FBXO31: variants seen among roughly 807,000 people sequenced by gnomAD.
FBXO31 encodes F-box protein 31.
FBXO31 carries 24 observed loss-of-function variants against 54.4 expected under a neutral mutation model. The observed-to-expected ratio is 0.44, with a 90% CI of 0.32 to 0.62. The LOEUF is 0.62. FBXO31 is among the 20% of genes least tolerant of loss of function. The pLI is 0.05. For synonymous variants in FBXO31, 388 were observed against 335.6 expected (o/e 1.16, Z -1.71); for missense variants, 665 against 787.1 (o/e 0.84, Z 1.86).
intron 1 of FBXO31, among the ~76,000 whole-genome samples, chr16:87,372,146 C>A (rs917427293): frequency 1.3e-5 from 2 of 152,060 alleles, no homozygotes; most frequent in African/African-American, 2.4e-5. Flanking sequence ...ATCATATGAA[C>A]CCAGGATGTG....
At chr16:87,350,216 C>T (rs746431902) in intron 2 of FBXO31, among the ~76,000 whole-genome samples, 50 of 152,042 alleles carry the variant, frequency 3.3e-4, no homozygotes, top group Non-Finnish European at 4.4e-4. Flanking sequence ...GCAGGGAGGG[C>T]AAGAAAGCCA....
intron 1 of FBXO31, among the ~76,000 whole-genome samples, chr16:87,370,346 G>C (rs545190204): frequency 3.4e-4 from 52 of 152,338 alleles, no homozygotes; most frequent in African/African-American, 1.2e-3. Context: ...ACTGGCACTA[G>C]GGGGACTGCA....
chr16:87,380,001 A>AG (rs921980985), intron 1 of FBXO31, among the ~76,000 whole-genome samples: 3 of 150,552 alleles, frequency 2.0e-5, no homozygotes, highest in African/African-American at 7.3e-5. Context: ...CCGCTCCAAA[A>AG]GAAAAAAAAA....
rs1024971901 is a variant in FBXO31 at position 87,329,368 on chromosome 16, G to C, written c.*1920C>G. Reference sequence around the variant, plus strand: ...CTGAGATTCCTTTAATCAGAAGCACGTGCGTCCCACAGTGTGCTCTTCAAG... The same window carrying C: ...CTGAGATTCCTTTAATCAGAAGCACCTGCGTCCCACAGTGTGCTCTTCAAG... On this transcript the variant is annotated 3_prime_UTR_variant, in exon 9 of 9. Coordinates refer to ENST00000311635, the MANE Select transcript of FBXO31 (RefSeq NM_024735.5). 1.3e-5 allele frequency: 2 copies of C among 152,410 alleles called. No individual in the cohort carries two copies. The highest frequency in any genetic ancestry group is 2.1e-4 in the South Asian group (1 of 4,834). 9.4% of individuals were successfully genotyped at this position (152,410 alleles called of 1,614,324 possible). A position where few individuals can be genotyped will look rare whatever the true frequency, so the allele number is the denominator to read the frequency against.
At chr16:87,382,900 T>A (rs1172102215) in intron 1 of FBXO31, among the ~76,000 whole-genome samples, 1 of 152,152 alleles carries the variant, frequency 6.6e-6, no homozygotes, top group African/African-American at 2.4e-5. Flanking sequence ...CCTCCCTAAG[T>A]GCTGAGATTA....
chr16:87,360,136 G>C (rs1906069706), intron 2 of FBXO31, among the ~76,000 whole-genome samples, 159 bp downstream of exon 2: 1 of 152,200 alleles, frequency 6.6e-6, no homozygotes, highest in African/African-American at 2.4e-5. Flanking sequence ...CCTAATTTTA[G>C]TGCTGTTACT....
intron 2 of FBXO31, among the ~76,000 whole-genome samples, chr16:87,354,089 C>T (rs1269136923): frequency 6.6e-6 from 1 of 152,262 alleles, no homozygotes; most frequent in African/African-American, 2.4e-5. Context: ...TACTACATTT[C>T]TAAGCAAGGC....
chr16:87,375,926 G>C (rs1035489207), intron 1 of FBXO31, among the ~76,000 whole-genome samples: 12 of 152,174 alleles, frequency 7.9e-5, no homozygotes, highest in Non-Finnish European at 1.8e-4. Context: ...CTCAGCCTGA[G>C]TCACTCCACT....
chr16:87,388,903 T>G (rs1489249436), intron 1 of FBXO31: 1 of 152,232 alleles, frequency 6.6e-6, no homozygotes, highest in Non-Finnish European at 1.5e-5. Flanking sequence ...CTACTTTACA[T>G]GGATTATTAC....
intron 1 of FBXO31, among the ~76,000 whole-genome samples, chr16:87,370,690 C>G (rs543094967): frequency 1.3e-5 from 2 of 152,262 alleles, no homozygotes; most frequent in East Asian, 3.9e-4. Context: ...TGGGACACTG[C>G]TGGGTCTCAG....
intron 1 of FBXO31, among the ~76,000 whole-genome samples, chr16:87,381,317 G>A (rs916057446): frequency 6.6e-6 from 1 of 152,100 alleles, no homozygotes; most frequent in African/African-American, 2.4e-5. Flanking sequence ...CACAAATAAG[G>A]AATTCGCAAA....
Position 87,335,274 on chromosome 16 carries a change from G to A in FBXO31, c.996+30C>T. ...CCCACTTGGGCCAGGTGCCCCCAGA[G>A]CCCCACCAACCAGGTCAGCCGCCAC... On this transcript the variant is annotated intron_variant, in intron 7 of 8. Transcript: ENST00000311635. This position sits in a 1 kb window ranked among gnomAD's most constrained non-coding sequence, Gnocchi z 5.7. 1 of 1,610,640 alleles carries A rather than the reference G, an allele frequency of 6.2e-7. No individual in the cohort carries two copies.
intron 8 of FBXO31, among the ~76,000 whole-genome samples, chr16:87,331,773 G>T (rs1355025295): frequency 6.6e-6 from 1 of 152,230 alleles, no homozygotes; most frequent in Admixed American, 6.5e-5. Flanking sequence ...CTGCTCGGGG[G>T]ATGGGCGCTG....
rs2150676633 is a variant in FBXO31, at chr16:87,346,672, C to T, written c.489+502G>A. ...AGCACTTTCTAGCAGGGGCCAGCCACCTGCCCAGAGCTCAACAAAGTCAGA... is the reference window on the plus strand; with the variant it reads ...AGCACTTTCTAGCAGGGGCCAGCCATCTGCCCAGAGCTCAACAAAGTCAGA... On this transcript the variant is annotated intron_variant, in intron 3 of 8. Transcript: ENST00000311635. The surrounding 1 kb of genome is among the most constrained non-coding windows in gnomAD (Gnocchi z 4.2). 6.6e-6 allele frequency among the ~76,000 whole-genome samples: 1 copy of T among 152,358 alleles called. No homozygotes were observed. The highest frequency in any genetic ancestry group is 2.1e-4 in the South Asian group (1 of 4,834).
intron 1 of FBXO31, among the ~76,000 whole-genome samples, chr16:87,382,508 T>C (rs978742094): frequency 1.3e-5 from 2 of 152,216 alleles, no homozygotes; most frequent in Non-Finnish European, 2.9e-5. Flanking sequence ...TCTCCTCCTG[T>C]GATCTGTTAC....
upstream of FBXO31, among the ~76,000 whole-genome samples, chr16:87,385,757 C>A (rs1307631981): frequency 6.6e-6 from 1 of 152,028 alleles, no homozygotes; most frequent in East Asian, 1.9e-4. Flanking sequence ...ACCTGTAATC[C>A]CAGAACTTTG....
chr16:87,379,651 C>T (rs1453705868), intron 1 of FBXO31, among the ~76,000 whole-genome samples: 1 of 152,150 alleles, frequency 6.6e-6, no homozygotes, highest in African/African-American at 2.4e-5. Context: ...TCTGAGTACT[C>T]ATTTCATCCA....
Position 87,378,111 on chromosome 16 carries a change from A to T in FBXO31, c.340+5294T>A, listed in dbSNP as rs550315246. Among the ~76,000 whole-genome samples the T allele has an allele frequency of 5.9e-5, 9 of 152,058 alleles. No homozygotes were observed. In the South Asian group the frequency reaches 1.9e-3, roughly 32 times the overall value. On this transcript the variant is annotated intron_variant, in intron 1 of 8. Coordinates refer to ENST00000311635, the MANE Select transcript of FBXO31 (RefSeq NM_024735.5). ...GAGGCAGAGGTTGCGGTGAGCCAAGATAGCGCCATTGCACTACAGCCTGGG... is the reference window on the plus strand; with the variant it reads ...GAGGCAGAGGTTGCGGTGAGCCAAGTTAGCGCCATTGCACTACAGCCTGGG...
intron 2 of FBXO31, among the ~76,000 whole-genome samples, chr16:87,351,644 G>T (rs890602832): frequency 6.6e-6 from 1 of 152,136 alleles, no homozygotes; most frequent in Non-Finnish European, 1.5e-5. Context: ...CGAGGCAGGC[G>T]GATTACCTGA....
Sources: gnomAD v4.1 joint callset for allele counts (sites outside exome capture counted in the v4.1 genomes callset) on GRCh38, gnomAD v4.1.1 for gene constraint, Gnocchi (gnomAD v3.1) non-coding constraint, MANE v1.5 for transcripts, NCBI Gene and HGNC (gene_info 2026-07-23, HGNC 2026-07-21) for gene names.